CLMP: variants seen among roughly 807,000 people sequenced by gnomAD.
The protein encoded by CLMP is CXADR like cell adhesion molecule, also known as CXADR-like membrane protein.
A neutral mutation model predicts 45.2 loss-of-function variants in CLMP; 27 were observed. That is an observed-to-expected ratio of 0.60 (90% CI 0.44 to 0.82). The LOEUF (loss-of-function observed/expected upper bound fraction) is 0.82, where lower values mean the gene tolerates loss of function less well. CLMP is among the 40% of genes least tolerant of loss of function. The pLI is 0.00. For missense variants in CLMP, 403 were observed against 448.4 expected (o/e 0.90, Z 0.91); for synonymous variants, 167 against 171.4 (o/e 0.97, Z 0.20).
chr11:123,074,643 C>T (rs954315426), intron 6 of CLMP, 59 bp downstream of exon 6: 5 of 1,514,180 alleles, frequency 3.3e-6, no homozygotes, highest in Admixed American at 1.9e-5. Flanking sequence ...GTTGGCTGGT[C>T]ACTATAGTGC....
At chr11:123,172,021 T>A (rs1591486160) in intron 1 of CLMP, among the ~76,000 whole-genome samples, 1 of 140,214 alleles carries the variant, frequency 7.1e-6, no homozygotes, top group South Asian at 2.1e-4. Context: ...CAATTCTGTA[T>A]TTTTTTTTTA....
chr11:123,092,944 G>A (rs1237353563), intron 2 of CLMP, among the ~76,000 whole-genome samples: 3 of 136,618 alleles, frequency 2.2e-5, no homozygotes, highest in Non-Finnish European at 4.6e-5. Flanking sequence ...GTCTCATGCT[G>A]TCGCCCAGGC....
intron 2 of CLMP, among the ~76,000 whole-genome samples, chr11:123,097,101 C>A (rs752244147): frequency 6.6e-6 from 1 of 152,178 alleles, no homozygotes; most frequent in Non-Finnish European, 1.5e-5. Flanking sequence ...GTTCACCCCC[C>A]TCAGGCTCCC....
chr11:123,083,899 A>G, intron 3 of CLMP, 52 bp from the exon 4 acceptor site: 2 of 1,592,208 alleles, frequency 1.3e-6, no homozygotes, highest in South Asian at 1.1e-5. Context: ...ATCCCCAAAC[A>G]CCAGATTCAA....
intron 1 of CLMP, among the ~76,000 whole-genome samples, chr11:123,156,211 C>T (rs966636148): frequency 6.6e-6 from 1 of 152,206 alleles, no homozygotes; most frequent in Non-Finnish European, 1.5e-5. Flanking sequence ...AAGAAGGCAA[C>T]CATCCACAAG....
At chr11:123,078,346 A>G (rs1591448508) in intron 5 of CLMP, among the ~76,000 whole-genome samples, 2 of 152,236 alleles carry the variant, frequency 1.3e-5, no homozygotes, top group Non-Finnish European at 2.9e-5. Flanking sequence ...AATTAAAGAA[A>G]CCAGACAAAA....
chr11:123,098,946 G>T (rs1367213673), intron 1 of CLMP, among the ~76,000 whole-genome samples: 2 of 151,976 alleles, frequency 1.3e-5, no homozygotes, highest in Non-Finnish European at 2.9e-5. Flanking sequence ...ACCCTCCTCA[G>T]CCTCCCAAAG....
In CLMP at chr11:123,160,905, G is replaced by C. The variant is rs78113761; in HGVS notation, c.28+34008C>G. ...AGGCAGGAGAATTGCTTGAACCCAG[G>C]AGGTGGAGGTTGCAGTGAGCCAAGA... On this transcript the variant is annotated intron_variant, in intron 1 of 6. Coordinates refer to ENST00000448775, the MANE Select transcript of CLMP (RefSeq NM_024769.5). Among the ~76,000 whole-genome samples the C allele has an allele frequency of 3.3e-3, 495 of 151,696 alleles. 11 individuals carry two copies. In the East Asian group the frequency reaches 0.048, roughly 15 times the overall value.
At position 123,084,677 on chromosome 11, in the gene CLMP, A is replaced by G. The variant is rs1304199337; in HGVS notation, c.223T>C (p.Leu75=). ...ACTCGGCCCTTCTGTTCCTCAGTCA[A>G]GTTATTGTAGACATGACGACTGGAG... ...TYSSRHVYNN[L]TEEQKGRVAF... The change falls in exon 3 of 7, where the codon TTG becomes CTG. Residue 75 remains leucine, a synonymous_variant. Transcript: ENST00000448775. The G allele has an allele frequency of 6.2e-6, 10 of 1,614,080 alleles. No individual in the cohort carries two copies. Among genetic ancestry groups the G allele is most frequent in the Non-Finnish European group, 7.6e-6 (9 of 1,180,032 alleles).
chr11:123,147,438 A>C (rs1386852061), intron 1 of CLMP, among the ~76,000 whole-genome samples: 1 of 152,202 alleles, frequency 6.6e-6, no homozygotes, highest in South Asian at 2.1e-4. Context: ...TTTTTAAAAA[A>C]TTAAAAAGAT....
chr11:123,182,285 T>C (rs1861779483), intron 1 of CLMP, among the ~76,000 whole-genome samples: 1 of 152,204 alleles, frequency 6.6e-6, no homozygotes, highest in South Asian at 2.1e-4. Flanking sequence ...GGCCAACCAC[T>C]TTCTCACCTG....
At chr11:123,150,608 A>G (rs563337724) in intron 1 of CLMP, among the ~76,000 whole-genome samples, 1 of 116,844 alleles carries the variant, frequency 8.6e-6, no homozygotes, top group South Asian at 3.7e-4. Context: ...GAAGGAATGA[A>G]GGAAGGAAGG....
chr11:123,117,489 C>T (rs961563950), intron 1 of CLMP, among the ~76,000 whole-genome samples: 11 of 152,118 alleles, frequency 7.2e-5, no homozygotes, highest in Non-Finnish European at 1.0e-4. Context: ...TGCAGTGGTA[C>T]GATCTCAGCT....
chr11:123,145,422 T>C (rs994637564), intron 1 of CLMP, among the ~76,000 whole-genome samples: 1 of 150,788 alleles, frequency 6.6e-6, no homozygotes, highest in African/African-American at 2.4e-5. Context: ...TGTCAGCGTG[T>C]GCTCCATGAG....
intron 1 of CLMP, among the ~76,000 whole-genome samples, chr11:123,140,148 A>G (rs1283101042): frequency 6.6e-6 from 1 of 152,252 alleles, no homozygotes; most frequent in Non-Finnish European, 1.5e-5. Context: ...ATAGGCAAAC[A>G]GGAAGTACCA....
rs1565397469 is a variant in CLMP at position 123,150,484 on chromosome 11, G to GAAAGAAAGAAAGAAAGAAA, written c.28+44428_28+44429insTTTCTTTCTTTCTTTCTTT. Among the ~76,000 whole-genome samples, 9 of 33,092 alleles carry GAAAGAAAGAAAGAAAGAAA rather than the reference G, an allele frequency of 2.7e-4. 1 individual carries two copies. The highest frequency in any genetic ancestry group is 4.3e-4 in the Non-Finnish European group (7 of 16,462). The allele number at this position is 33,092 out of a possible 152,430, so 21.7% of individuals were successfully genotyped here. On this transcript the variant is annotated intron_variant, in intron 1 of 6. Transcript: ENST00000448775. ...GAAAGAAAGAAAGAAAGAAAGAAAG[G>GAAAGAAAGAAAGAAAGAAA]AAGGAAGGAAGGAAGGAAGGAAGGA...
intron 1 of CLMP, among the ~76,000 whole-genome samples, chr11:123,131,314 C>A (rs1364810904): frequency 2.0e-5 from 3 of 151,002 alleles, no homozygotes; most frequent in Non-Finnish European, 2.9e-5. Flanking sequence ...TTCCTGGTAG[C>A]CACAAAGATT....
At chr11:123,151,355 A>G (rs1483105066) in intron 1 of CLMP, among the ~76,000 whole-genome samples, 2 of 152,238 alleles carry the variant, frequency 1.3e-5, no homozygotes, top group Non-Finnish European at 2.9e-5. Flanking sequence ...TCTGGATCTT[A>G]GAGAGATGTC....
At chr11:123,193,141 C>A (rs554615649) in intron 1 of CLMP, 28 of 152,224 alleles carry the variant, frequency 1.8e-4, no homozygotes, top group Admixed American at 1.3e-3. Flanking sequence ...TAAAGCAATG[C>A]GCTTTAGCAA....
Sources: gnomAD v4.1 joint callset for allele counts (sites outside exome capture counted in the v4.1 genomes callset) on GRCh38, gnomAD v4.1.1 for gene constraint, MANE v1.5 for transcripts, NCBI Gene and HGNC (gene_info 2026-07-23, HGNC 2026-07-21) for gene names.